The following MOGAT3 variants were observed in gnomAD, a reference collection of about 807,000 sequenced individuals.
MOGAT3 encodes the protein monoacylglycerol O-acyltransferase 3.
In MOGAT3, 39 loss-of-function variants were observed where a neutral mutation model predicts 34.4. The ratio of observed to expected loss-of-function variants is 1.13; its 90% CI spans 0.88 to 1.48. The LOEUF is 1.48. Ranked by LOEUF, MOGAT3 falls within the 40% of genes most tolerant of loss-of-function variation. The pLI is 0.00. For synonymous variants in MOGAT3, 209 were observed against 179.2 expected (o/e 1.17, Z -1.33); for missense variants, 439 against 438.9 (o/e 1.00, Z 0.00).
rs73408446 is a variant in MOGAT3, at chr7:101,198,655, G to C, written c.464C>G (p.Pro155Arg). The stretch of plus-strand genomic sequence containing the variant: ...GGACATGATGTAGTCGCGATAGACC[G>C]GGAGGTAGAAGAGGCCAGCCAGCAC... ...LAVLAGLFYL[P>R]VYRDYIMSFG... The change falls in exon 4 of 7, where the codon CCG (proline) becomes CGG (arginine). Residue 155 changes from proline (P) to arginine (R), a missense_variant. Pro to Arg is a moderately radical substitution (Grantham distance 103). Coordinates refer to ENST00000223114, the MANE Select transcript of MOGAT3 (RefSeq NM_178176.4). 271 of 1,613,338 alleles carry C rather than the reference G, an allele frequency of 1.7e-4. No individual in the cohort carries two copies. The highest frequency in any genetic ancestry group is 2.2e-4 in the Non-Finnish European group (265 of 1,180,008).
chr7:101,200,469 G>C lies in MOGAT3; in HGVS notation c.156C>G (p.Leu52=), dbSNP rs565104236. The change falls in exon 2 of 7, where the codon CTC becomes CTG. Residue 52 remains leucine, a synonymous_variant. Transcript: ENST00000223114. ...CCAAGTAAAAAACAGAGAAGGGCCA[G>C]AGTGACGTGAAGAGGAGGACAAAGA... is the stretch of plus-strand genomic sequence containing the variant. ...LLVFVLLFTS[L]WPFSVFYLVW... The C allele has an allele frequency of 5.0e-5, 80 of 1,607,668 alleles. 1 individual carries two copies. In the South Asian group the frequency reaches 7.9e-4, roughly 16 times the overall value.
rs775202375 is a variant in MOGAT3, at chr7:101,198,283, C to G, written c.576G>C (p.Gly192=). The stretch of plus-strand genomic sequence containing the variant: ...CTGAATACAGGGCCTCGTGCGCACC[C>G]CCCACCATGATGACCACGGCCTGCC... The part of the protein sequence containing the change: ...QLGQAVVIMV[G]GAHEALYSVP... The change falls in exon 5 of 7, where the codon GGG becomes GGC. Residue 192 remains glycine, a synonymous_variant. Coordinates refer to ENST00000223114, the MANE Select transcript of MOGAT3 (RefSeq NM_178176.4). 2 of 1,608,358 alleles carry G rather than the reference C, an allele frequency of 1.2e-6. No individual in the cohort carries two copies. Among genetic ancestry groups the G allele is most frequent in the African/African-American group, 2.7e-5 (2 of 74,708 alleles).
intron 3 of MOGAT3, 85 bp from the exon 4 acceptor site, chr7:101,198,915 G>A (rs1050834893): frequency 8.0e-6 from 10 of 1,256,688 alleles, no homozygotes; most frequent in South Asian, 2.5e-5. Context: ...ACAGAGTTCC[G>A]AGTTAAAGGT....
intron 1 of MOGAT3, 86 bp from the exon 2 acceptor site, chr7:101,200,601 A>T: frequency 7.6e-7 from 1 of 1,321,254 alleles, no homozygotes; most frequent in Non-Finnish European, 1.1e-6. Flanking sequence ...TCCCCTTCAG[A>T]ACAACCAGCT....
chr7:101,200,676 C>A (rs1797932864), intron 1 of MOGAT3, 70 bp downstream of exon 1: 1 of 1,421,282 alleles, frequency 7.0e-7, no homozygotes, highest in Admixed American at 1.9e-5. Flanking sequence ...AAGCCAGCAG[C>A]CCAGCCACTC....
intron 5 of MOGAT3, 25 bp downstream of exon 5, chr7:101,198,166 A>G: frequency 6.3e-7 from 1 of 1,589,484 alleles, no homozygotes. Flanking sequence ...GAGAACTGAC[A>G]GGTAGGGCCT....
chr7:101,198,855 G>T, intron 3 of MOGAT3, 25 bp from the exon 4 acceptor site: 1 of 1,610,138 alleles, frequency 6.2e-7, no homozygotes, highest in Non-Finnish European at 8.5e-7. Flanking sequence ...GCAGGATGAA[G>T]GGAGGATGGA....
intron 4 of MOGAT3, 90 bp from the exon 5 acceptor site, chr7:101,198,455 C>A (rs1797860385): frequency 1.4e-6 from 2 of 1,412,898 alleles, no homozygotes; most frequent in Admixed American, 5.1e-5. Flanking sequence ...GCCCCCTACC[C>A]CCATCTCCAA....
downstream of MOGAT3, among the ~76,000 whole-genome samples, chr7:101,193,257 C>A: frequency 6.6e-6 from 1 of 151,990 alleles, no homozygotes; most frequent in Non-Finnish European, 1.5e-5. Context: ...CCCCGCCCAT[C>A]CCCAGTGTCT....
chr7:101,198,711 C>T lies in MOGAT3; in HGVS notation c.408G>A (p.Gln136=), dbSNP rs763576330. The T allele has an allele frequency of 6.2e-7, 1 of 1,613,736 alleles. No individual in the cohort carries two copies. The highest frequency in any genetic ancestry group is 1.7e-5 in the Admixed American group (1 of 59,982). Residue 136 remains glutamine (Q), a synonymous_variant, in exon 4 of 7, where the codon CAG becomes CAA. Transcript: ENST00000223114. ...ACCAGGGCCGGAGCCCCGGGAAGAG[C>T]TGGGAGAAGCCATTGCTCTCGGTGG... is the stretch of plus-strand genomic sequence containing the variant. ...NFSTESNGFS[Q]LFPGLRPWLA... is the part of the protein sequence containing the mutation.
At chr7:101,200,668 G>T in intron 1 of MOGAT3, 78 bp downstream of exon 1, 2 of 1,383,820 alleles carry the variant, frequency 1.4e-6, no homozygotes, top group Non-Finnish European at 2.0e-6. Context: ...AGGCATGCAA[G>T]CCAGCAGCCC....
rs1455011151 is a variant in MOGAT3, at chr7:101,198,715, G to C, written c.404C>G (p.Ser135Cys). 1 of 1,613,862 alleles carries C rather than the reference G, an allele frequency of 6.2e-7. No homozygotes were observed. The highest frequency in any genetic ancestry group is 8.5e-7 in the Non-Finnish European group (1 of 1,180,034). Residue 135 changes from serine to cysteine, a missense_variant, in exon 4 of 7, where the codon TCC becomes TGC. Physicochemically the swap from Ser to Cys is moderately radical, Grantham distance 112 (BLOSUM62 -1). Transcript: ENST00000223114. ...CNFSTESNGF[S>C]QLFPGLRPWL... is the part of the protein sequence containing the mutation. ...GGGCCGGAGCCCCGGGAAGAGCTGG[G>C]AGAAGCCATTGCTCTCGGTGGAGAA...
Position 101,198,700 on chromosome 7 carries a change from C to A in MOGAT3, c.419G>T (p.Gly140Val), listed in dbSNP as rs561475690. The A allele has an allele frequency of 3.7e-6, 6 of 1,613,280 alleles. No homozygotes were observed. In the African/African-American group the frequency reaches 8.0e-5, roughly 22 times the overall value. ...ESNGFSQLFP[G>V]LRPWLAVLAG... ...CAGCACGGCTAACCAGGGCCGGAGCCCCGGGAAGAGCTGGGAGAAGCCATT... is the reference window on the plus strand; with the variant it reads ...CAGCACGGCTAACCAGGGCCGGAGCACCGGGAAGAGCTGGGAGAAGCCATT... Residue 140 changes from glycine (G) to valine (V), a missense_variant, in exon 4 of 7, where the codon GGG becomes GTG. Coordinates refer to ENST00000223114, the MANE Select transcript of MOGAT3 (RefSeq NM_178176.4).
chr7:101,196,191 A>C lies in MOGAT3; in HGVS notation c.867T>G (p.Thr289=). The C allele has an allele frequency of 6.3e-7, 1 of 1,575,062 alleles. No individual in the cohort carries two copies. The change falls in exon 6 of 7, where the codon ACT becomes ACG. Residue 289 remains threonine, a synonymous_variant. Transcript: ENST00000223114. The part of the protein sequence containing the change: ...GLLPFAVPIT[T]VVGRPIPVPQ... ...CCCCCGGAGGTGGGCACTCACCCAC[A>C]GTGGTGATGGGCACAGCAAAGGGCA... is the stretch of plus-strand genomic sequence containing the variant.
chr7:101,200,995 T>G lies in MOGAT3; in HGVS notation c.-141A>C, dbSNP rs1382451523. The G allele has an allele frequency of 6.4e-6, 4 of 624,536 alleles. No individual in the cohort carries two copies. In the East Asian group the frequency reaches 1.1e-4, roughly 18 times the overall value. 38.7% of individuals were successfully genotyped at this position (624,536 alleles called of 1,614,324 possible). On this transcript the variant is annotated 5_prime_UTR_variant, in exon 1 of 7. Coordinates refer to ENST00000223114, the MANE Select transcript of MOGAT3 (RefSeq NM_178176.4). ...CTAAGTCGCAAATCACCTCCCAGAG[T>G]AGCGTGTGTCCGTAGGTGTGTGAGT...
chr7:101,194,771 G>A (rs1444694579), downstream of MOGAT3, among the ~76,000 whole-genome samples: 1 of 152,158 alleles, frequency 6.6e-6, no homozygotes, highest in African/African-American at 2.4e-5. Flanking sequence ...AAAGTGCTGG[G>A]ATTACAGGCG....
rs753444913 is a variant in MOGAT3 at position 101,198,249 on chromosome 7, C to T, written c.610G>A (p.Glu204Lys). ...AHEALYSVPG[E>K]HCLTLQKRKG... ...CGCTTCTGGAGCGTAAGGCAGTGCT[C>T]CCCGGGGACTGAATACAGGGCCTCG... Residue 204 changes from glutamate (E) to lysine (K), a missense_variant, in exon 5 of 7, where the codon GAG becomes AAG. Glu to Lys is a moderately conservative substitution (Grantham distance 56, BLOSUM62 1). Transcript: ENST00000223114. 1.9e-6 allele frequency: 3 copies of T among 1,613,486 alleles called. No individual in the cohort carries two copies. The highest frequency in any genetic ancestry group is 2.5e-6 in the Non-Finnish European group (3 of 1,179,782).
chr7:101,198,669 G>A lies in MOGAT3; in HGVS notation c.450C>T (p.Gly150=), dbSNP rs1235098737. 6.2e-7 allele frequency: 1 copy of A among 1,613,404 alleles called. No homozygotes were observed. Among genetic ancestry groups the A allele is most frequent in the South Asian group, 1.1e-5 (1 of 91,062 alleles). ...GLRPWLAVLA[G]LFYLPVYRDY... Reference sequence around the variant, plus strand: ...CGCGATAGACCGGGAGGTAGAAGAGGCCAGCCAGCACGGCTAACCAGGGCC... The same window carrying A: ...CGCGATAGACCGGGAGGTAGAAGAGACCAGCCAGCACGGCTAACCAGGGCC... Residue 150 remains glycine, a synonymous_variant, in exon 4 of 7, where the codon GGC becomes GGT. Transcript: ENST00000223114.
Position 101,196,170 on chromosome 7 carries a change from C to G in MOGAT3, c.871+17G>C. ...ACGCAGCTGCTGGTGGCCGTCCCCC[C>G]GGAGGTGGGCACTCACCCACAGTGG... is the stretch of plus-strand genomic sequence containing the variant. On this transcript the variant is annotated intron_variant, in intron 6 of 6. Transcript: ENST00000223114. The G allele has an allele frequency of 5.1e-6, 8 of 1,569,696 alleles. No individual in the cohort carries two copies. The highest frequency in any genetic ancestry group is 6.9e-6 in the Non-Finnish European group (8 of 1,157,112).
Sources: gnomAD v4.1 joint callset for allele counts (sites outside exome capture counted in the v4.1 genomes callset) on GRCh38, gnomAD v4.1.1 for gene constraint, MANE v1.5 for transcripts, NCBI Gene and HGNC (gene_info 2026-07-23, HGNC 2026-07-21) for gene names.